The following MED13L variants were observed in gnomAD, a reference collection of about 807,000 sequenced individuals.
MED13L encodes the protein mediator complex subunit 13L, also known as mediator of RNA polymerase II transcription subunit 13-like.
MED13L carries 7 observed loss-of-function variants against 220.9 expected under a neutral mutation model. That is an observed-to-expected ratio of 0.03 (90% CI 0.02 to 0.06). MED13L has a LOEUF of 0.06. Ranked by LOEUF, MED13L falls within the 10% of genes least tolerant of loss-of-function variation. MED13L has a pLI of 1.00. For missense variants in MED13L, 1,965 were observed against 2,760.5 expected (o/e 0.71, Z 6.46); for synonymous variants, 1,011 against 1,015.2 (o/e 1.00, Z 0.08).
intron 4 of MED13L, among the ~76,000 whole-genome samples, chr12:116,041,378 C>G (rs1385000889): frequency 6.6e-6 from 1 of 152,154 alleles, no homozygotes; most frequent in African/African-American, 2.4e-5. Flanking sequence ...TCAATTAAAC[C>G]TATTTTCTTT....
chr12:116,176,640 T>C (rs1042792436), intron 2 of MED13L, among the ~76,000 whole-genome samples: 1 of 151,956 alleles, frequency 6.6e-6, no homozygotes, highest in Admixed American at 6.6e-5. Flanking sequence ...CTGGAGAATT[T>C]TGAAAACCAA....
Position 116,022,687 on chromosome 12 carries a change from T to A in MED13L, c.480-86A>T, listed in dbSNP as rs1035504357. 3 of 1,386,904 alleles carry A rather than the reference T, an allele frequency of 2.2e-6. No homozygotes were observed. The African/African-American group carries it at 4.3e-5, about 20-fold the overall frequency. 85.9% of individuals were successfully genotyped at this position (1,386,904 alleles called of 1,614,324 possible). ...AGGAACTACAGGTAAGATACAGCTC[T>A]ACTTTATCAACCGTCCAGTAAGGCT... On this transcript the variant is annotated intron_variant, in intron 4 of 30. Coordinates refer to ENST00000281928, the MANE Select transcript of MED13L (RefSeq NM_015335.5).
In MED13L at chr12:116,096,680, T is replaced by A; in HGVS notation, c.468A>T (p.Pro156=). ...TTCTAAAGGCTCACCTTTTGTTGACTGGCTTTTCATCCTTTTCGTAGGGTC... is the reference window on the plus strand; with the variant it reads ...TTCTAAAGGCTCACCTTTTGTTGACAGGCTTTTCATCCTTTTCGTAGGGTC... ...FVRPYEKDEK[P]VNKSEHLSCA... The change falls in exon 4 of 31, where the codon CCA becomes CCT. Residue 156 remains proline (P), a synonymous_variant. Coordinates refer to ENST00000281928, the MANE Select transcript of MED13L (RefSeq NM_015335.5). 6.2e-7 allele frequency: 1 copy of A among 1,614,038 alleles called. No individual in the cohort carries two copies.
intron 2 of MED13L, among the ~76,000 whole-genome samples, chr12:116,230,086 T>C (rs2138428059): frequency 6.6e-6 from 1 of 152,318 alleles, no homozygotes; most frequent in African/African-American, 2.4e-5. Context: ...TCTTCATTAT[T>C]ATCCACAAAA....
In MED13L at chr12:116,264,270, T is replaced by C. The variant is rs545176848; in HGVS notation, c.72+12790A>G. Among the ~76,000 whole-genome samples the C allele has an allele frequency of 2.0e-5, 3 of 152,252 alleles. 1 individual carries two copies. In the South Asian group the frequency reaches 6.2e-4, roughly 32 times the overall value. On this transcript the variant is annotated intron_variant, in intron 1 of 30. Transcript: ENST00000281928. Reference sequence around the variant, plus strand: ...AAAAAAATTATAAACAATGGCAACATCATTTGATCCATTTCAAGGGGGCCT... The same window carrying C: ...AAAAAAATTATAAACAATGGCAACACCATTTGATCCATTTCAAGGGGGCCT...
At chr12:116,200,239 T>C (rs1342689795) in intron 2 of MED13L, among the ~76,000 whole-genome samples, 1 of 152,126 alleles carries the variant, frequency 6.6e-6, no homozygotes, top group African/African-American at 2.4e-5. Context: ...CGCATTTCCT[T>C]CTTACCCCAG....
rs988278167 is a variant in MED13L at position 115,959,675 on chromosome 12, C to G, written c.*1591G>C. 1 of 152,566 alleles carries G rather than the reference C, an allele frequency of 6.6e-6. No homozygotes were observed. Among genetic ancestry groups the G allele is most frequent in the Non-Finnish European group, 1.5e-5 (1 of 68,020 alleles). The allele number at this position is 152,566 out of a possible 1,614,324, so 9.5% of individuals were successfully genotyped here. On this transcript the variant is annotated 3_prime_UTR_variant, in exon 31 of 31. Transcript: ENST00000281928. ...CTATACATTGCGAAAGTCAACCCCC[C>G]CTTCAACTGGTGGTACAGAGAACAA...
In MED13L at chr12:116,067,928, A is replaced by C. The variant is rs1475319632; in HGVS notation, c.479+28741T>G. Among the ~76,000 whole-genome samples the C allele has an allele frequency of 2.4e-4, 36 of 152,234 alleles. 1 individual carries two copies. The highest frequency in any genetic ancestry group is 2.4e-3 in the Admixed American group (36 of 15,288). On this transcript the variant is annotated intron_variant, in intron 4 of 30. Coordinates refer to ENST00000281928, the MANE Select transcript of MED13L (RefSeq NM_015335.5). ...CATGGCAACTTATTTCATCTGTTTA[A>C]TTACACTAGCTTATCCAAAGTGTTG...
At chr12:116,148,654 T>C (rs1877776762) in intron 2 of MED13L, 1 of 178,846 alleles carries the variant, frequency 5.6e-6, no homozygotes, top group Non-Finnish European at 1.3e-5. Context: ...TAGATATATA[T>C]AGATATAAGT....
intron 2 of MED13L, among the ~76,000 whole-genome samples, chr12:116,224,034 C>T (rs868353978): frequency 1.3e-5 from 2 of 152,154 alleles, no homozygotes; most frequent in African/African-American, 2.4e-5. Context: ...GCTGCCAAAG[C>T]GAGCACATGT....
intron 4 of MED13L, among the ~76,000 whole-genome samples, chr12:116,076,401 G>T (rs1593015519): frequency 6.6e-6 from 1 of 152,110 alleles, no homozygotes; most frequent in East Asian, 1.9e-4. Context: ...GCTGGGCACA[G>T]TGGCACACAC....
intron 1 of MED13L, chr12:116,276,753 G>A (rs981221532): frequency 7.7e-7 from 1 of 1,293,256 alleles, no homozygotes; most frequent in African/African-American, 1.5e-5. Context: ...AGGGGAGTGC[G>A]ATTGCAACAG....
At chr12:116,094,301 T>C (rs1346394539) in intron 4 of MED13L, among the ~76,000 whole-genome samples, 1 of 152,254 alleles carries the variant, frequency 6.6e-6, no homozygotes, top group Non-Finnish European at 1.5e-5. Flanking sequence ...AAATACTGTT[T>C]CAAAATAATT....
intron 28 of MED13L, among the ~76,000 whole-genome samples, chr12:115,968,053 T>TACCCCCCC (rs1491288278): frequency 2.5e-5 from 1 of 40,606 alleles, no homozygotes; most frequent in African/African-American, 8.7e-5. Context: ...GGAATAAAAG[T>TACCCCCCC]CCCCCCCCCC....
At chr12:116,228,765 T>C (rs1869256470) in intron 2 of MED13L, among the ~76,000 whole-genome samples, 1 of 152,208 alleles carries the variant, frequency 6.6e-6, no homozygotes, top group Non-Finnish European at 1.5e-5. Flanking sequence ...TATAATTCTT[T>C]CTCGAATTAT....
chr12:115,976,210 A>G (rs1238145515), intron 23 of MED13L, among the ~76,000 whole-genome samples: 2 of 152,268 alleles, frequency 1.3e-5, no homozygotes, highest in African/African-American at 4.8e-5. Flanking sequence ...AAACAGGTAT[A>G]AGAATATTCA....
At chr12:116,259,977 C>T (rs1048539415) in intron 1 of MED13L, among the ~76,000 whole-genome samples, 7 of 152,108 alleles carry the variant, frequency 4.6e-5, no homozygotes, top group African/African-American at 1.4e-4. Context: ...ACTGTGATTA[C>T]ATCTATGTAC....
At chr12:115,964,268 A>C (rs2137194919) in intron 29 of MED13L, among the ~76,000 whole-genome samples, 1 of 152,350 alleles carries the variant, frequency 6.6e-6, no homozygotes, top group African/African-American at 2.4e-5. Flanking sequence ...CTGTAGGATA[A>C]TGAGGAAGAT....
chr12:116,037,697 C>G (rs1008224399), intron 4 of MED13L, among the ~76,000 whole-genome samples: 3 of 152,120 alleles, frequency 2.0e-5, no homozygotes, highest in Non-Finnish European at 2.9e-5. Flanking sequence ...GTAGTGGTAT[C>G]AGAGAAGCAG....
Sources: allele counts gnomAD v4.1 joint callset (sites outside exome capture counted in the v4.1 genomes callset), GRCh38; gene constraint gnomAD v4.1.1; transcripts MANE v1.5; gene names NCBI Gene and HGNC (gene_info 2026-07-23, HGNC 2026-07-21).